MTMR4: variants seen among roughly 807,000 people sequenced by gnomAD.
The protein encoded by MTMR4 is myotubularin related protein 4.
In MTMR4, 30 loss-of-function variants were observed where a neutral mutation model predicts 125.5. That is an observed-to-expected ratio of 0.24 (90% confidence interval 0.18 to 0.32). MTMR4 has a LOEUF of 0.32. MTMR4 is among the 10% of genes least tolerant of loss of function. The pLI, the probability that MTMR4 is intolerant of heterozygous loss-of-function variation, is 1.00. For synonymous variants in MTMR4, 498 were observed against 564.5 expected (o/e 0.88, Z 1.67); for missense variants, 1,039 against 1,511.5 (o/e 0.69, Z 5.18).
intron 10 of MTMR4, 63 bp from the exon 11 acceptor site, chr17:58,505,037 C>A: frequency 1.4e-6 from 2 of 1,462,618 alleles, no homozygotes; most frequent in South Asian, 1.3e-5. Context: ...GTCTCTCCAC[C>A]ATCCACAGCC....
chr17:58,518,198 A>T (rs1398916270), upstream of MTMR4, among the ~76,000 whole-genome samples: 1 of 152,192 alleles, frequency 6.6e-6, no homozygotes. Flanking sequence ...GCTGCTGGCC[A>T]CTGCTCTGGG....
rs151135861 is a variant in MTMR4, at chr17:58,504,652, GA to G, written c.1341+126del. ...CAATTTTCCAAGCCTTTGGGAGTTG[GA>G]AAAAAAAAGAAAAAAAGAGCCACCA... is the stretch of plus-strand genomic sequence containing the variant. On this transcript the variant is annotated intron_variant, in intron 11 of 17. Coordinates refer to ENST00000682306, the MANE Select transcript of MTMR4 (RefSeq NM_001378067.1). This position sits in a 1 kb window ranked among gnomAD's most constrained non-coding sequence, Gnocchi z 7.1. 9.2e-5 allele frequency: 122 copies of G among 1,321,614 alleles called. No individual in the cohort carries two copies. Among genetic ancestry groups the G allele is most frequent in the South Asian group, 2.2e-4 (15 of 66,880 alleles). 81.9% of individuals were successfully genotyped at this position (1,321,614 alleles called of 1,614,324 possible). A position where few individuals can be genotyped will look rare whatever the true frequency, so the allele number is the denominator to read the frequency against.
At chr17:58,500,564 C>G (rs973628306) in intron 14 of MTMR4, among the ~76,000 whole-genome samples, 3 of 152,022 alleles carry the variant, frequency 2.0e-5, no homozygotes, top group African/African-American at 7.2e-5. Context: ...TCCTGGCCAA[C>G]ATGGTGAAAC....
At position 58,504,091 on chromosome 17, in the gene MTMR4, T is replaced by C; in HGVS notation, c.1657A>G (p.Lys553Glu). The change falls in exon 13 of 18, where the codon AAA becomes GAA. Residue 553 changes from lysine to glutamate, a missense_variant. Lys to Glu is a moderately conservative substitution (Grantham distance 56). This residue lies in a region of MTMR4 where 619 missense variants were observed against 714.5 expected (regional missense o/e 0.87). Transcript: ENST00000682306. This position sits in a 1 kb window ranked among gnomAD's most constrained non-coding sequence, Gnocchi z 7.1. Reference protein sequence around the residue: ...SVWALLRAGNKNFHNFLYTPS... With the variant: ...SVWALLRAGNENFHNFLYTPS... ...GTGTAGAGGAAGTTATGAAAGTTTT[T>C]ATTGCCAGCTCGAAGGAGCGCCCAC... is the stretch of plus-strand genomic sequence containing the variant. 2 of 1,584,274 alleles carry C rather than the reference T, an allele frequency of 1.3e-6. No individual in the cohort carries two copies. The highest frequency in any genetic ancestry group is 1.2e-5 in the South Asian group (1 of 86,394).
Position 58,495,984 on chromosome 17 carries a change from G to C in MTMR4, c.2200C>G (p.Pro734Ala). ...GTCTCTTCTAGGACTTTGATCTCAG[G>C]ATCAGAGGTGTTGCTCTTCATTTCC... ...PREMKSNTSD[P>A]EIKVLEETKG... is the part of the protein sequence containing the mutation. The change falls in exon 15 of 18, where the codon CCT becomes GCT. Residue 734 changes from proline (P) to alanine (A), a missense_variant. Pro to Ala is a conservative substitution (Grantham distance 27, BLOSUM62 -1). Around this residue, in one of 6 missense-constraint regions of MTMR4, gnomAD observed 619 missense variants for 714.5 expected, o/e 0.87. Coordinates refer to ENST00000682306, the MANE Select transcript of MTMR4 (RefSeq NM_001378067.1). The C allele has an allele frequency of 6.2e-7, 1 of 1,614,104 alleles. No homozygotes were observed. Among genetic ancestry groups the C allele is most frequent in the Non-Finnish European group, 8.5e-7 (1 of 1,180,034 alleles).
In MTMR4 at chr17:58,505,454, C is replaced by T; in HGVS notation, c.1145+18G>A. 1 of 1,584,904 alleles carries T rather than the reference C, an allele frequency of 6.3e-7. No homozygotes were observed. Among genetic ancestry groups the T allele is most frequent in the Non-Finnish European group, 8.7e-7 (1 of 1,155,286 alleles). ...GTAAGGAATGAGACTGGAAGGAATC[C>T]AAGTAGGGAACACCTACTTGCTAGG... On this transcript the variant is annotated intron_variant, in intron 10 of 17. Coordinates refer to ENST00000682306, the MANE Select transcript of MTMR4 (RefSeq NM_001378067.1).
rs1975953624 is a variant in MTMR4, at chr17:58,512,300, T to A, written c.252+90A>T. 2.5e-6 allele frequency: 3 copies of A among 1,194,132 alleles called. No individual in the cohort carries two copies. Among genetic ancestry groups the A allele is most frequent in the Admixed American group, 3.5e-5 (2 of 57,244 alleles). 74.0% of individuals were successfully genotyped at this position (1,194,132 alleles called of 1,614,324 possible). On this transcript the variant is annotated intron_variant, in intron 3 of 17. Transcript: ENST00000682306. This position sits in a 1 kb window ranked among gnomAD's most constrained non-coding sequence, Gnocchi z 4.1. Reference sequence around the variant, plus strand: ...TGCGCCCGGCCTCCAACTTTTTTAATGACATGATCAAGGACAGCCTTGGAA... The same window carrying A: ...TGCGCCCGGCCTCCAACTTTTTTAAAGACATGATCAAGGACAGCCTTGGAA...
At position 58,503,754 on chromosome 17, in the gene MTMR4, A is replaced by G. The variant is rs754042867; in HGVS notation, c.1843T>C (p.Ser615Pro). The change falls in exon 14 of 18, where the codon TCT becomes CCT. Residue 615 changes from serine (S) to proline (P), a missense_variant. Around this residue, in one of 6 missense-constraint regions of MTMR4, gnomAD observed 619 missense variants for 714.5 expected, o/e 0.87. Coordinates refer to ENST00000682306, the MANE Select transcript of MTMR4 (RefSeq NM_001378067.1). ...VAQSQEFSGRSLDRLPKTRSM... is the reference protein window; with the variant it reads ...VAQSQEFSGRPLDRLPKTRSM... ...AAGGGCTTTTCTTACCTGTCCAGAGAGCGGCCAGAGAACTCCTGGCTCTGG... is the reference window on the plus strand; with the variant it reads ...AAGGGCTTTTCTTACCTGTCCAGAGGGCGGCCAGAGAACTCCTGGCTCTGG... 1 of 1,613,812 alleles carries G rather than the reference A, an allele frequency of 6.2e-7. No homozygotes were observed. The highest frequency in any genetic ancestry group is 2.2e-5 in the East Asian group (1 of 44,868).
chr17:58,515,750 T>C (rs4793950), upstream of MTMR4, among the ~76,000 whole-genome samples: 55,428 of 151,954 alleles, frequency 0.36, 10,474 homozygotes, highest in East Asian at 0.51. Flanking sequence ...ACTGAACCAA[T>C]AGTGCACACA....
chr17:58,502,291 G>A (rs1598218127), intron 14 of MTMR4, among the ~76,000 whole-genome samples: 2 of 151,572 alleles, frequency 1.3e-5, no homozygotes, highest in Admixed American at 1.3e-4. Flanking sequence ...CTGAGTAGAT[G>A]GGATTACAGG....
chr17:58,497,359 A>T (rs1975497340), intron 14 of MTMR4, among the ~76,000 whole-genome samples: 3 of 152,204 alleles, frequency 2.0e-5, no homozygotes, highest in African/African-American at 7.2e-5. Flanking sequence ...AATTCCAGGA[A>T]GGCAATAACA....
chr17:58,495,958 A>C lies in MTMR4; in HGVS notation c.2226T>G (p.Thr742=). 1.2e-6 allele frequency: 2 copies of C among 1,614,132 alleles called. No homozygotes were observed. The highest frequency in any genetic ancestry group is 8.5e-7 in the Non-Finnish European group (1 of 1,180,024). ...SDPEIKVLEE[T]KGPAPDPSAQ... ...CAGAAGGGTCTGGAGCTGGTCCCTT[A>C]GTCTCTTCTAGGACTTTGATCTCAG... Residue 742 remains threonine, a synonymous_variant, in exon 15 of 18, where the codon ACT becomes ACG. Coordinates refer to ENST00000682306, the MANE Select transcript of MTMR4 (RefSeq NM_001378067.1).
chr17:58,492,407 G>T, intron 17 of MTMR4, 104 bp downstream of exon 17: 1 of 947,718 alleles, frequency 1.1e-6, no homozygotes, highest in Non-Finnish European at 1.6e-6. Flanking sequence ...CTCACCTCAT[G>T]ATCCGCCTGC....
chr17:58,490,402 G>GAA lies in MTMR4; in HGVS notation c.*1259_*1260dup. On this transcript the variant is annotated 3_prime_UTR_variant, in exon 18 of 18. Transcript: ENST00000682306. ...AAGTGCCACTGGTACATATTAAGAT[G>GAA]AAAAAAAACAAAAACAAAAACAAAA... The GAA allele has an allele frequency of 6.6e-6, 1 of 151,468 alleles. No homozygotes were observed. The highest frequency in any genetic ancestry group is 2.4e-5 in the African/African-American group (1 of 41,144). The allele number at this position is 151,468 out of a possible 1,614,324, so 9.4% of individuals were successfully genotyped here. A position where few individuals can be genotyped will look rare whatever the true frequency, so the allele number is the denominator to read the frequency against.
rs936999058 is a variant in MTMR4 at position 58,512,096 on chromosome 17, C to T, written c.252+294G>A. Among the ~76,000 whole-genome samples, 1 of 152,094 alleles carries T rather than the reference C, an allele frequency of 6.6e-6. No homozygotes were observed. The highest frequency in any genetic ancestry group is 2.4e-5 in the African/African-American group (1 of 41,392). On this transcript the variant is annotated intron_variant, in intron 3 of 17. Coordinates refer to ENST00000682306, the MANE Select transcript of MTMR4 (RefSeq NM_001378067.1). The surrounding 1 kb of genome is among the most constrained non-coding windows in gnomAD (Gnocchi z 4.1). ...CCACCTCCCAGGTTCAAGTGATTCC[C>T]GTACCTCAGCCCCCGAGTAGGTGGG... is the stretch of plus-strand genomic sequence containing the variant.
At chr17:58,502,943 T>C (rs548415433) in intron 14 of MTMR4, among the ~76,000 whole-genome samples, 44 of 152,328 alleles carry the variant, frequency 2.9e-4, no homozygotes, top group African/African-American at 1.1e-3. Context: ...TCCCCAAACA[T>C]TGAGCCAGAA....
Position 58,504,162 on chromosome 17 carries a change from G to A in MTMR4, c.1586C>T (p.Pro529Leu), listed in dbSNP as rs774937766. The change falls in exon 13 of 18, where the codon CCC becomes CTC. Residue 529 changes from proline to leucine, a missense_variant. Physicochemically the swap from Pro to Leu is moderately conservative, Grantham distance 98. Coordinates refer to ENST00000682306, the MANE Select transcript of MTMR4 (RefSeq NM_001378067.1). This position sits in a 1 kb window ranked among gnomAD's most constrained non-coding sequence, Gnocchi z 7.1. ...CLYGTFLANN[P>L]CEREKRNIYK... The stretch of plus-strand genomic sequence containing the variant: ...GATGTTGCGCTTCTCTCGCTCACAG[G>A]GGTTGTTGGCCAGGAAGGTGCCGTA... 1.9e-6 allele frequency: 3 copies of A among 1,612,822 alleles called. No individual in the cohort carries two copies. In the South Asian group the frequency reaches 3.3e-5, roughly 18 times the overall value.
intron 14 of MTMR4, among the ~76,000 whole-genome samples, chr17:58,498,526 A>G (rs1234180441): frequency 1.3e-5 from 1 of 77,016 alleles, no homozygotes; most frequent in African/African-American, 5.4e-5. Flanking sequence ...GAGAAGGAGA[A>G]GCGGGGGAGG....
upstream of MTMR4, among the ~76,000 whole-genome samples, chr17:58,515,242 C>T (rs995232798): frequency 2.6e-5 from 4 of 152,036 alleles, no homozygotes; most frequent in African/African-American, 9.7e-5. Flanking sequence ...CTAGAAGTAT[C>T]GACCACAGAA....
Sources: gnomAD v4.1 joint callset for allele counts (sites outside exome capture counted in the v4.1 genomes callset) on GRCh38, gnomAD v4.1.1 for gene constraint, gnomAD v4.1.1 regional missense constraint, Gnocchi (gnomAD v3.1) non-coding constraint, MANE v1.5 for transcripts, NCBI Gene and HGNC (gene_info 2026-07-23, HGNC 2026-07-21) for gene names.